OXR1: variants seen among roughly 807,000 people sequenced by gnomAD.
OXR1 encodes oxidation resistance 1, also known as oxidation resistance protein 1.
Under a neutral mutation model 104.6 loss-of-function variants are expected in OXR1, and 41 were observed. The observed-to-expected ratio is 0.39, with a 90% CI of 0.31 to 0.51. The LOEUF (loss-of-function observed/expected upper bound fraction) is 0.51, where lower values mean the gene tolerates loss of function less well. Ranked by LOEUF, OXR1 falls within the 20% of genes least tolerant of loss-of-function variation. OXR1 has a pLI of 0.77. For synonymous variants in OXR1, 348 were observed against 348.4 expected, an observed-to-expected ratio of 1.00 and a Z score of 0.01; for missense variants, 955 against 1,031.9, an observed-to-expected ratio of 0.93 and a Z score of 1.02.
intron 2 of OXR1, among the ~76,000 whole-genome samples, chr8:106,424,996 A>G (rs1164257613): frequency 8.6e-5 from 13 of 151,876 alleles, no homozygotes; most frequent in Non-Finnish European, 5.9e-5. Context: ...AATAAATTGA[A>G]GACTAATTTG....
At chr8:106,667,215 CTGTT>C (rs1826431473) in intron 3 of OXR1, among the ~76,000 whole-genome samples, 1 of 151,932 alleles carries the variant, frequency 6.6e-6, no homozygotes, top group Non-Finnish European at 1.5e-5. Flanking sequence ...CTTGAAATCT[CTGTT>C]TAAGATCTCC....
At chr8:106,722,552 A>T (rs898644243) in intron 11 of OXR1, among the ~76,000 whole-genome samples, 1 of 152,164 alleles carries the variant, frequency 6.6e-6, no homozygotes, top group African/African-American at 2.4e-5. Flanking sequence ...TGATGTCATA[A>T]CATCATAGTA....
chr8:106,419,898 T>C (rs1365421299), intron 2 of OXR1, among the ~76,000 whole-genome samples: 1 of 152,178 alleles, frequency 6.6e-6, no homozygotes, highest in East Asian at 1.9e-4. Context: ...CAATTCATCC[T>C]GGATAAATGC....
At chr8:106,283,681 A>G (rs1326211449) in intron 1 of OXR1, among the ~76,000 whole-genome samples, 1 of 152,208 alleles carries the variant, frequency 6.6e-6, no homozygotes. Flanking sequence ...ATTTACAATT[A>G]GATACATACC....
chr8:106,664,482 A>C (rs1250680047), intron 3 of OXR1, among the ~76,000 whole-genome samples: 1 of 152,228 alleles, frequency 6.6e-6, no homozygotes, highest in Non-Finnish European at 1.5e-5. Context: ...AAATGATGAA[A>C]TTTATTAAAT....
chr8:106,722,410 A>G (rs1251650837), intron 11 of OXR1, among the ~76,000 whole-genome samples: 1 of 152,214 alleles, frequency 6.6e-6, no homozygotes, highest in African/African-American at 2.4e-5. Flanking sequence ...TAAATCTAAA[A>G]AAGAAATCAG....
chr8:106,626,662 A>C (rs1207505536), intron 3 of OXR1, among the ~76,000 whole-genome samples: 2 of 150,972 alleles, frequency 1.3e-5, no homozygotes, highest in Non-Finnish European at 1.5e-5. Flanking sequence ...TCTTTAAAAA[A>C]ATTATTTCAC....
intron 2 of OXR1, among the ~76,000 whole-genome samples, chr8:106,399,699 C>A (rs930421127): frequency 3.9e-5 from 6 of 152,120 alleles, no homozygotes; most frequent in Admixed American, 3.9e-4. Flanking sequence ...AGATGTAACA[C>A]AATCTAGCTT....
intron 2 of OXR1, among the ~76,000 whole-genome samples, chr8:106,404,260 G>A (rs771341569): frequency 6.6e-6 from 1 of 152,042 alleles, no homozygotes; most frequent in South Asian, 2.1e-4. Flanking sequence ...CTGAACAGGG[G>A]GAGACTTCTT....
intron 8 of OXR1, among the ~76,000 whole-genome samples, chr8:106,703,659 G>A (rs1453601486): frequency 6.6e-6 from 1 of 152,112 alleles, no homozygotes; most frequent in Non-Finnish European, 1.5e-5. Flanking sequence ...GAGGATTTGT[G>A]TGATATGTTA....
chr8:106,650,609 C>T (rs559143849), intron 3 of OXR1, among the ~76,000 whole-genome samples: 1 of 152,190 alleles, frequency 6.6e-6, no homozygotes, highest in Non-Finnish European at 1.5e-5. Context: ...AAATCATTTT[C>T]GAATAGGTGA....
At chr8:106,580,897 C>G (rs1479831869) in intron 3 of OXR1, 1 of 738,156 alleles carries the variant, frequency 1.4e-6, no homozygotes, top group Non-Finnish European at 1.7e-6. Flanking sequence ...CTTTCAGAAG[C>G]TAAATATTTT....
chr8:106,538,004 T>C (rs1332785606), intron 3 of OXR1, among the ~76,000 whole-genome samples: 2 of 152,168 alleles, frequency 1.3e-5, no homozygotes, highest in Non-Finnish European at 2.9e-5. Context: ...CTGGCTGTGA[T>C]TGGATTTTCT....
intron 2 of OXR1, among the ~76,000 whole-genome samples, chr8:106,488,974 G>A (rs1276280570): frequency 6.6e-6 from 1 of 150,394 alleles, no homozygotes; most frequent in African/African-American, 2.5e-5. Flanking sequence ...GTCATTGGTA[G>A]CTTGATAGGG....
intron 3 of OXR1, among the ~76,000 whole-genome samples, chr8:106,641,800 C>T (rs1823658110): frequency 6.6e-6 from 1 of 151,750 alleles, no homozygotes; most frequent in Non-Finnish European, 1.5e-5. Flanking sequence ...GAGTATCAGG[C>T]CAAAACATAG....
chr8:106,520,052 T>C (rs1813148446), intron 3 of OXR1, among the ~76,000 whole-genome samples: 2 of 152,116 alleles, frequency 1.3e-5, no homozygotes, highest in African/African-American at 4.8e-5. Context: ...GTTACTTCAA[T>C]TTGGAGAGAT....
At chr8:106,285,966 G>A (rs1221220843) in intron 1 of OXR1, among the ~76,000 whole-genome samples, 3 of 151,712 alleles carry the variant, frequency 2.0e-5, no homozygotes, top group Non-Finnish European at 4.4e-5. Context: ...CCCTCGCCCC[G>A]TAACCACCTT....
At chr8:106,581,633 G>A (rs150562392) in intron 3 of OXR1, among the ~76,000 whole-genome samples, 13 of 151,970 alleles carry the variant, frequency 8.6e-5, no homozygotes, top group Admixed American at 3.3e-4. Flanking sequence ...AAACATGAAC[G>A]CAGATGAATA....
chr8:106,520,884 T>C (rs551138632), intron 3 of OXR1, among the ~76,000 whole-genome samples: 1 of 152,320 alleles, frequency 6.6e-6, no homozygotes, highest in South Asian at 2.1e-4. Flanking sequence ...GGAGAGATAC[T>C]GACCAACTTG....
Sources: gnomAD v4.1 joint callset for allele counts (sites outside exome capture counted in the v4.1 genomes callset) on GRCh38, gnomAD v4.1.1 for gene constraint, MANE v1.5 for transcripts, NCBI Gene and HGNC (gene_info 2026-07-23, HGNC 2026-07-21) for gene names.